TMEM145: variants seen among roughly 807,000 people sequenced by gnomAD.
TMEM145 encodes transmembrane protein 145.
Under a neutral mutation model 68.5 loss-of-function variants are expected in TMEM145, and 46 were observed. That is an observed-to-expected ratio of 0.67 (90% CI 0.53 to 0.86). The LOEUF is 0.86. TMEM145 is among the 40% of genes least tolerant of loss of function. TMEM145 has a pLI of 0.00. For synonymous variants in TMEM145, 255 were observed against 280.2 expected (o/e 0.91, Z 0.90); for missense variants, 570 against 645.8 (o/e 0.88, Z 1.27).
At position 42,319,714 on chromosome 19, in the gene TMEM145, C is replaced by T. The variant is rs372513486; in HGVS notation, c.1074-603C>T. ...CCACCTGCCTTGGCCTCCCAAAGTA[C>T]TGGGATTACAGGCATAAGCCACTGT... On this transcript the variant is annotated intron_variant, in intron 12 of 14. Transcript: ENST00000301204. Among the ~76,000 whole-genome samples the T allele has an allele frequency of 1.3e-4, 20 of 150,526 alleles. No individual in the cohort carries two copies. The South Asian group carries it at 3.1e-3, about 24-fold the overall frequency.
intron 13 of TMEM145, among the ~76,000 whole-genome samples, chr19:42,322,524 C>T (rs1463796528): frequency 1.3e-5 from 2 of 152,098 alleles, no homozygotes; most frequent in Non-Finnish European, 2.9e-5. Context: ...CTGGGTATCT[C>T]AACGCTCATT....
At chr19:42,315,281 T>TGGG (rs1181896302) in intron 7 of TMEM145, 22 bp downstream of exon 7, 1 of 1,612,358 alleles carries the variant, frequency 6.2e-7, no homozygotes, top group African/African-American at 1.3e-5. Flanking sequence ...ACATGGGGTG[T>TGGG]GGGGGAAGAG....
rs770849325 is a variant in TMEM145, at chr19:42,323,704, A to G, written c.1316A>G (p.Gln439Arg). ...GSQSADKAFP[Q>R]HVYGNVTFIS... ...CAATCCGCTGACAAGGCCTTCCCGC[A>G]GCACGTCTATGGGAACGTGACGTTT... Residue 439 changes from glutamine to arginine, a missense_variant, in exon 14 of 15, where the codon CAG becomes CGG. Coordinates refer to ENST00000301204, the MANE Select transcript of TMEM145 (RefSeq NM_173633.3). 1 of 1,614,180 alleles carries G rather than the reference A, an allele frequency of 6.2e-7. No individual in the cohort carries two copies. Among genetic ancestry groups the G allele is most frequent in the South Asian group, 1.1e-5 (1 of 91,082 alleles).
intron 8 of TMEM145, among the ~76,000 whole-genome samples, chr19:42,315,652 G>T (rs2038849231): frequency 1.3e-5 from 2 of 150,986 alleles, no homozygotes; most frequent in Non-Finnish European, 1.5e-5. Flanking sequence ...AGTTCCTGGG[G>T]GAGGATGGGC....
chr19:42,324,986 G>T lies in TMEM145; in HGVS notation c.*169G>T. ...CCATCTGCCGCATCTCCATTCCGGG[G>T]GCCTTCCCTCGGGTCCCTGGCAGAA... On this transcript the variant is annotated 3_prime_UTR_variant, in exon 15 of 15. Transcript: ENST00000301204. The T allele has an allele frequency of 8.6e-7, 1 of 1,162,818 alleles. No individual in the cohort carries two copies. Among genetic ancestry groups the T allele is most frequent in the Non-Finnish European group, 1.1e-6 (1 of 913,320 alleles). 72.0% of individuals were successfully genotyped at this position (1,162,818 alleles called of 1,614,324 possible).
At position 42,318,315 on chromosome 19, in the gene TMEM145, C is replaced by T. The variant is rs566103678; in HGVS notation, c.1073+434C>T. Among the ~76,000 whole-genome samples the T allele has an allele frequency of 7.3e-5, 11 of 150,196 alleles. No homozygotes were observed. In the East Asian group the frequency reaches 2.0e-3, roughly 27 times the overall value. On this transcript the variant is annotated intron_variant, in intron 12 of 14. Coordinates refer to ENST00000301204, the MANE Select transcript of TMEM145 (RefSeq NM_173633.3). ...CCCAGGAGGCGGAGCTTGCAGTGAACCAAGATCGCACCACTGCACTCCAGC... is the reference window on the plus strand; with the variant it reads ...CCCAGGAGGCGGAGCTTGCAGTGAATCAAGATCGCACCACTGCACTCCAGC...
rs374181064 is a variant in TMEM145, at chr19:42,316,972, G to T, written c.900+9G>T. 2.5e-6 allele frequency: 4 copies of T among 1,611,696 alleles called. No homozygotes were observed. The African/African-American group carries it at 5.3e-5, about 22-fold the overall frequency. ...TCATCTACGAGGCGGAAGTGAGTCC[G>T]ACTGGCCCCTGGCCGGGCCCTGCCT... is the stretch of plus-strand genomic sequence containing the variant. On this transcript the variant is annotated intron_variant, in intron 11 of 14. Transcript: ENST00000301204.
rs758868177 is a variant in TMEM145, at chr19:42,323,773, C to T, written c.1385C>T (p.Pro462Leu). The T allele has an allele frequency of 1.9e-6, 3 of 1,613,990 alleles. No individual in the cohort carries two copies. Among genetic ancestry groups the T allele is most frequent in the Non-Finnish European group, 2.5e-6 (3 of 1,179,936 alleles). ...AACTTCACGGAGCTCTTCTCCATCC[C>T]CCCGCCCGCCACCTCCGTAAGCCCC... ...VPNFTELFSI[P>L]PPATSPLPRA... The change falls in exon 14 of 15, where the codon CCC becomes CTC. Residue 462 changes from proline (P) to leucine (L), a missense_variant. Coordinates refer to ENST00000301204, the MANE Select transcript of TMEM145 (RefSeq NM_173633.3).
Position 42,315,378 on chromosome 19 carries a change from T to C in TMEM145, c.584T>C (p.Leu195Pro). The C allele has an allele frequency of 1.2e-6, 2 of 1,614,186 alleles. No individual in the cohort carries two copies. Among genetic ancestry groups the C allele is most frequent in the Non-Finnish European group, 1.7e-6 (2 of 1,180,030 alleles). ...TCCCTACCTTGCTTCCTAGATTTGC[T>C]GAAAGGTCGTCAGTTGCTCCACACA... ...FFLSCYFGYL[L>P]KGRQLLHTTY... Residue 195 changes from leucine (L) to proline (P), a missense_variant, in exon 8 of 15, where the codon CTG (leucine) becomes CCG (proline). Physicochemically the swap from Leu to Pro is moderately conservative, Grantham distance 98. Transcript: ENST00000301204.
In TMEM145 at chr19:42,324,879, C is replaced by G; in HGVS notation, c.*62C>G. On this transcript the variant is annotated 3_prime_UTR_variant, in exon 15 of 15. Transcript: ENST00000301204. ...GGACCCTGCCTGTGACTCTCCAGGA[C>G]TCTGCGACCCCGGGATGGATATTGC... is the stretch of plus-strand genomic sequence containing the variant. 1 of 1,429,150 alleles carries G rather than the reference C, an allele frequency of 7.0e-7. No homozygotes were observed. The highest frequency in any genetic ancestry group is 9.1e-7 in the Non-Finnish European group (1 of 1,094,028). 88.5% of individuals were successfully genotyped at this position (1,429,150 alleles called of 1,614,324 possible). A position where few individuals can be genotyped will look rare whatever the true frequency, so the allele number is the denominator to read the frequency against.
intron 12 of TMEM145, among the ~76,000 whole-genome samples, chr19:42,318,782 C>T (rs1355946779): frequency 1.3e-5 from 2 of 151,518 alleles, no homozygotes; most frequent in Non-Finnish European, 2.9e-5. Context: ...AGTAAATGTT[C>T]AGTAAAAAAC....
Position 42,317,858 on chromosome 19 carries a change from C to G in TMEM145, c.1050C>G (p.Pro350=), listed in dbSNP as rs956309201. The change falls in exon 12 of 15, where the codon CCC becomes CCG. Residue 350 remains proline, a synonymous_variant. Coordinates refer to ENST00000301204, the MANE Select transcript of TMEM145 (RefSeq NM_173633.3). ...CTGAGAAGCAGCCTTTTTATGTGCC[C>G]TTCTTTGCTGCCTATACCCTCTGGT... ...HFPEKQPFYV[P]FFAAYTLWFF... The G allele has an allele frequency of 5.0e-6, 8 of 1,614,040 alleles. No individual in the cohort carries two copies. The African/African-American group carries it at 1.1e-4, about 22-fold the overall frequency.
chr19:42,323,491 C>T, intron 13 of TMEM145, 92 bp from the exon 14 acceptor site: 1 of 1,258,356 alleles, frequency 7.9e-7, no homozygotes, highest in Non-Finnish European at 1.1e-6. Flanking sequence ...TGGTGGATGT[C>T]AACTGAAAGG....
chr19:42,324,883 G>T lies in TMEM145; in HGVS notation c.*66G>T. 1 of 1,416,914 alleles carries T rather than the reference G, an allele frequency of 7.1e-7. No homozygotes were observed. The allele number at this position is 1,416,914 out of a possible 1,614,324, so 87.8% of individuals were successfully genotyped here. ...CCTGCCTGTGACTCTCCAGGACTCT[G>T]CGACCCCGGGATGGATATTGCGATG... On this transcript the variant is annotated 3_prime_UTR_variant, in exon 15 of 15. Transcript: ENST00000301204.
intron 12 of TMEM145, among the ~76,000 whole-genome samples, 153 bp downstream of exon 12, chr19:42,318,034 A>G (rs948680714): frequency 1.2e-4 from 19 of 152,132 alleles, no homozygotes; most frequent in Non-Finnish European, 2.8e-4. Flanking sequence ...ACTTTGTGAA[A>G]AATTACTTTC....
intron 12 of TMEM145, 37 bp from the exon 13 acceptor site, chr19:42,320,280 G>C: frequency 6.2e-7 from 1 of 1,611,818 alleles, no homozygotes; most frequent in Non-Finnish European, 8.5e-7. Context: ...TGGAGGACAG[G>C]AGCAGTGTCT....
chr19:42,315,312 G>A lies in TMEM145; in HGVS notation c.577+53G>A, dbSNP rs187706177. 9.9e-6 allele frequency: 16 copies of A among 1,614,040 alleles called. 1 individual carries two copies. The Admixed American group carries it at 2.2e-4, about 22-fold the overall frequency. On this transcript the variant is annotated intron_variant, in intron 7 of 14. Coordinates refer to ENST00000301204, the MANE Select transcript of TMEM145 (RefSeq NM_173633.3). ...AAGAGATAGGAGGGAGCAGGGTTGG[G>A]GGAGGTGAGCTGCTCTCCCTTTCTG...
intron 1 of TMEM145, 134 bp from the exon 2 acceptor site, chr19:42,314,138 T>C (rs1247940139): frequency 2.3e-6 from 2 of 870,504 alleles, no homozygotes; most frequent in Non-Finnish European, 3.8e-6. Context: ...GGGAAGGAGT[T>C]TGGAGGTGAC....
chr19:42,318,797 G>A (rs2038884961), intron 12 of TMEM145, among the ~76,000 whole-genome samples: 1 of 151,288 alleles, frequency 6.6e-6, no homozygotes, highest in African/African-American at 2.4e-5. Flanking sequence ...AAAAACTATT[G>A]TAGACTGGGT....
Sources: allele counts gnomAD v4.1 joint callset (sites outside exome capture counted in the v4.1 genomes callset), GRCh38; gene constraint gnomAD v4.1.1; transcripts MANE v1.5; gene names NCBI Gene and HGNC (gene_info 2026-07-23, HGNC 2026-07-21).